BRWD3: variants seen among roughly 807,000 people sequenced by gnomAD.
The protein encoded by BRWD3 is bromodomain and WD repeat domain containing 3, also known as bromodomain and WD repeat-containing protein 3.
A neutral mutation model predicts 149.7 loss-of-function variants in BRWD3; 10 were observed. That is an observed-to-expected ratio of 0.07 (90% CI 0.04 to 0.11). The LOEUF is 0.11. Among genes scored for constraint, BRWD3 ranks in the 10% least tolerant of loss-of-function variants. BRWD3 has a pLI of 1.00. For synonymous variants in BRWD3, 504 were observed against 456.7 expected (o/e 1.10, Z -1.32); for missense variants, 940 against 1,373.2 (o/e 0.68, Z 4.99).
chrX:80,776,435 A>C (rs1455511998), intron 6 of BRWD3, among the ~76,000 whole-genome samples: 1 of 112,606 alleles, frequency 8.9e-6, no homozygotes, highest in Non-Finnish European at 1.9e-5. Flanking sequence ...AACATTCAGG[A>C]AAGTCCTTAA....
At position 80,722,842 on chromosome X, in the gene BRWD3, C is replaced by T. The variant is rs1865120650; in HGVS notation, c.1651-55G>A. The T allele has an allele frequency of 3.9e-6, 4 of 1,025,486 alleles. No individual in the cohort carries two copies. In the Admixed American group the frequency reaches 6.6e-5, roughly 17 times the overall value. 84.5% of individuals were successfully genotyped at this position (1,025,486 alleles called of 1,213,427 possible). A position where few individuals can be genotyped will look rare whatever the true frequency, so the allele number is the denominator to read the frequency against. On this transcript the variant is annotated intron_variant, in intron 16 of 40. Transcript: ENST00000373275. ...TACACAGGGAATTTATAAGTAAATA[C>T]TTGTTTTCATTCCTTGAGCACACTC...
chrX:80,749,790 C>G (rs1247986684), intron 6 of BRWD3, among the ~76,000 whole-genome samples: 1 of 111,607 alleles, frequency 9.0e-6, no homozygotes, highest in Non-Finnish European at 1.9e-5. Context: ...CTAAAACACT[C>G]TTATGCAAAA....
rs2072508130 is a variant in BRWD3 at position 80,685,461 on chromosome X, C to T, written c.4080+1G>A. 2.5e-6 allele frequency: 3 copies of T among 1,202,051 alleles called. No individual in the cohort carries two copies. The highest frequency in any genetic ancestry group is 3.4e-6 in the Non-Finnish European group (3 of 888,615). ...GTCTTTTAAGAGACTACCAGGCCTA[C>T]CTCAGAAAGAGATGAATCTTGTTGT... On this transcript the variant is annotated splice_donor_variant, in intron 36 of 40. Coordinates refer to ENST00000373275, the MANE Select transcript of BRWD3 (RefSeq NM_153252.5). LOFTEE classifies it high-confidence loss of function.
intron 19 of BRWD3, chrX:80,717,129 GA>G (rs1175393432): frequency 8.1e-6 from 1 of 123,024 alleles, no homozygotes; most frequent in Non-Finnish European, 1.7e-5. Context: ...TTATAAGTTT[GA>G]AATTAATCCT....
intron 34 of BRWD3, 34 bp from the exon 35 acceptor site, chrX:80,687,037 C>A: frequency 8.5e-7 from 1 of 1,182,674 alleles, no homozygotes; most frequent in South Asian, 1.8e-5. Context: ...TCTAAAAGAT[C>A]TTTCCTTAAC....
intron 6 of BRWD3, among the ~76,000 whole-genome samples, chrX:80,753,176 G>C (rs1010079221): frequency 2.7e-5 from 3 of 110,864 alleles, no homozygotes; most frequent in African/African-American, 9.8e-5. Flanking sequence ...TCTTCACTCT[G>C]CTGGTGCTTC....
chrX:80,746,758 A>AGCTAGAACTCAGTTCTT, intron 6 of BRWD3: 5 of 460,251 alleles, frequency 1.1e-5, no homozygotes, highest in Non-Finnish European at 1.3e-5. Context: ...ACTGAGTTCT[A>AGCTAGAACTCAGTTCTT]GCTAGATTAG....
At chrX:80,768,374 C>T (rs942915490) in intron 6 of BRWD3, among the ~76,000 whole-genome samples, 2 of 111,616 alleles carry the variant, frequency 1.8e-5, no homozygotes, top group Non-Finnish European at 3.8e-5. Context: ...AGATTAACAG[C>T]GGATCTCTCA....
chrX:80,801,686 C>CA (rs1317766395), intron 4 of BRWD3, among the ~76,000 whole-genome samples: 1 of 108,257 alleles, frequency 9.2e-6, no homozygotes, highest in African/African-American at 3.4e-5. Context: ...ACTAAAAATA[C>CA]AAAAAATTAC....
intron 5 of BRWD3, 118 bp downstream of exon 5, chrX:80,793,504 T>G: frequency 6.2e-6 from 5 of 805,278 alleles, no homozygotes; most frequent in Non-Finnish European, 7.0e-6. Flanking sequence ...AAAAACAACA[T>G]TGGCAAGATA....
intron 25 of BRWD3, 55 bp from the exon 26 acceptor site, chrX:80,696,918 G>T: frequency 9.7e-7 from 1 of 1,033,951 alleles, no homozygotes; most frequent in Non-Finnish European, 1.3e-6. Flanking sequence ...CTTAACATTT[G>T]TATAATATTT....
intron 20 of BRWD3, 152 bp downstream of exon 20, chrX:80,716,005 T>C: frequency 2.3e-6 from 1 of 440,211 alleles, no homozygotes; most frequent in East Asian, 3.9e-5. Context: ...ATAATAATCA[T>C]ATATCTCAAT....
chrX:80,786,141 A>T (rs1423717433), intron 6 of BRWD3, among the ~76,000 whole-genome samples: 1 of 112,412 alleles, frequency 8.9e-6, no homozygotes, highest in East Asian at 2.8e-4. Flanking sequence ...CACACTATCC[A>T]ATATAGTGGC....
intron 31 of BRWD3, among the ~76,000 whole-genome samples, chrX:80,690,584 G>A (rs1347902301): frequency 9.0e-6 from 1 of 111,285 alleles, no homozygotes; most frequent in African/African-American, 3.3e-5. Flanking sequence ...GGATGACAGA[G>A]GGACCAAGAT....
intron 14 of BRWD3, among the ~76,000 whole-genome samples, chrX:80,726,274 TATGTC>T (rs1349182258): frequency 1.0e-5 from 1 of 95,832 alleles, no homozygotes; most frequent in Admixed American, 1.1e-4. Context: ...GTTTACATGT[TATGTC>T]TGTATAACAT....
Position 80,761,752 on chromosome X carries a change from A to G in BRWD3, c.431-16023T>C, listed in dbSNP as rs1046459105. On this transcript the variant is annotated intron_variant, in intron 6 of 40. Transcript: ENST00000373275. ...AAGAGTCTTCCTTGTCTATTTGTCA[A>G]TCTGTCAAAAAACGGTTCCATACTG... is the stretch of plus-strand genomic sequence containing the variant. Among the ~76,000 whole-genome samples the G allele has an allele frequency of 5.4e-5, 6 of 111,624 alleles. No homozygotes were observed. In the East Asian group the frequency reaches 1.7e-3, roughly 31 times the overall value.
chrX:80,669,786 C>A lies in BRWD3; in HGVS notation c.*6823G>T, dbSNP rs368093919. Among the ~76,000 whole-genome samples the A allele has an allele frequency of 9.0e-6, 1 of 110,982 alleles. No homozygotes were observed. Among genetic ancestry groups the A allele is most frequent in the East Asian group, 2.8e-4 (1 of 3,543 alleles). On this transcript the variant is annotated 3_prime_UTR_variant, in exon 41 of 41. Coordinates refer to ENST00000373275, the MANE Select transcript of BRWD3 (RefSeq NM_153252.5). ...AAAATCCTTAAAAATGAATAAGCTC[C>A]ATCAATTAATATTAGTCACCTAAAT...
At chrX:80,806,882 G>GT (rs1217507739) in intron 4 of BRWD3, among the ~76,000 whole-genome samples, 5 of 111,874 alleles carry the variant, frequency 4.5e-5, no homozygotes, top group Admixed American at 2.8e-4. Flanking sequence ...GGTTGTTGGG[G>GT]TTTTTTTGGT....
chrX:80,759,072 C>CA (rs2073775417), intron 6 of BRWD3, among the ~76,000 whole-genome samples: 1 of 111,933 alleles, frequency 8.9e-6, no homozygotes, highest in Admixed American at 9.5e-5. Flanking sequence ...GTCTTATCAG[C>CA]ACAGAGTACA....
Sources: gnomAD v4.1 joint callset for allele counts (sites outside exome capture counted in the v4.1 genomes callset) on GRCh38, gnomAD v4.1.1 for gene constraint, MANE v1.5 for transcripts, NCBI Gene and HGNC (gene_info 2026-07-23, HGNC 2026-07-21) for gene names.